Variants in EFHC2 observed in about 807,000 individuals in gnomAD.
EFHC2 encodes the protein EF-hand domain containing 2, also known as EF-hand domain-containing family member C2.
EFHC2 carries 18 observed loss-of-function variants against 52.7 expected under a neutral mutation model. That is an observed-to-expected ratio of 0.34 (90% CI 0.24 to 0.51). The LOEUF (loss-of-function observed/expected upper bound fraction) is 0.51. Ranked by LOEUF, EFHC2 falls within the 20% of genes least tolerant of loss-of-function variation. The pLI is 0.97. For missense variants in EFHC2, 513 were observed against 562.5 expected, an observed-to-expected ratio of 0.91 and a Z score of 0.89; for synonymous variants, 203 against 204.1, an observed-to-expected ratio of 0.99 and a Z score of 0.04.
intron 4 of EFHC2, among the ~76,000 whole-genome samples, chrX:44,254,034 A>G (rs572605469): frequency 8.9e-6 from 1 of 112,581 alleles, no homozygotes; most frequent in African/African-American, 3.2e-5. Flanking sequence ...AAGCCTGACT[A>G]TTAGAAGGAA....
chrX:44,274,985 T>C (rs1248212770), intron 2 of EFHC2, among the ~76,000 whole-genome samples: 4 of 111,242 alleles, frequency 3.6e-5, no homozygotes, highest in Non-Finnish European at 7.5e-5. Flanking sequence ...ACTTTCAGTG[T>C]ACGTAATATT....
intron 11 of EFHC2, among the ~76,000 whole-genome samples, chrX:44,207,015 C>T (rs1383170660): frequency 6.3e-5 from 7 of 111,044 alleles, no homozygotes; most frequent in Non-Finnish European, 1.3e-4. Flanking sequence ...AAAATAGGCA[C>T]GTACTAATAG....
chrX:44,316,667 C>T (rs1030831339), intron 1 of EFHC2, among the ~76,000 whole-genome samples: 3 of 109,467 alleles, frequency 2.7e-5, no homozygotes, highest in African/African-American at 1.0e-4. Flanking sequence ...CCACCCTGGG[C>T]AATAGAGTGA....
At chrX:44,326,161 T>C (rs2038050611) in intron 1 of EFHC2, among the ~76,000 whole-genome samples, 1 of 110,167 alleles carries the variant, frequency 9.1e-6, no homozygotes, top group Non-Finnish European at 1.9e-5. Context: ...CCCAAAGTGC[T>C]GGGATTACAG....
At chrX:44,201,204 A>G (rs2037004051) in intron 11 of EFHC2, among the ~76,000 whole-genome samples, 1 of 111,838 alleles carries the variant, frequency 8.9e-6, no homozygotes, top group East Asian at 2.8e-4. Flanking sequence ...ACTAGAAAAT[A>G]TTTATATATG....
intron 4 of EFHC2, among the ~76,000 whole-genome samples, chrX:44,260,349 G>A (rs2037528900): frequency 8.9e-6 from 1 of 111,820 alleles, no homozygotes; most frequent in Non-Finnish European, 1.9e-5. Flanking sequence ...AGACATTTGC[G>A]ATCCAGTCCC....
At chrX:44,312,004 G>T (rs764115656) in intron 2 of EFHC2, among the ~76,000 whole-genome samples, 1 of 112,289 alleles carries the variant, frequency 8.9e-6, no homozygotes, top group Non-Finnish European at 1.9e-5. Context: ...AGCCAAGAAA[G>T]ATAAACATTT....
At chrX:44,191,906 A>C (rs2036923152) in intron 11 of EFHC2, among the ~76,000 whole-genome samples, 1 of 112,017 alleles carries the variant, frequency 8.9e-6, no homozygotes, top group Non-Finnish European at 1.9e-5. Flanking sequence ...TTCAGATAAA[A>C]TATGAGGAAT....
intron 14 of EFHC2, among the ~76,000 whole-genome samples, chrX:44,156,563 T>A (rs983687229): frequency 1.8e-5 from 2 of 111,846 alleles, no homozygotes; most frequent in Non-Finnish European, 3.8e-5. Flanking sequence ...TGTACCCAAC[T>A]GCCCCCTACT....
intron 1 of EFHC2, among the ~76,000 whole-genome samples, chrX:44,319,205 G>A (rs1382903231): frequency 1.8e-5 from 2 of 109,472 alleles, no homozygotes; most frequent in Admixed American, 9.8e-5. Context: ...GTTTCACCAC[G>A]TTGGCCAGGC....
intron 1 of EFHC2, among the ~76,000 whole-genome samples, chrX:44,325,975 C>T (rs1018222875): frequency 9.3e-6 from 1 of 107,689 alleles, no homozygotes; most frequent in African/African-American, 3.4e-5. Context: ...TCACTGCGGC[C>T]TTGACTTCCT....
intron 2 of EFHC2, chrX:44,283,840 C>G (rs773912999): frequency 9.1e-6 from 1 of 109,458 alleles, no homozygotes; most frequent in Non-Finnish European, 1.9e-5. Flanking sequence ...TTTGGCATCT[C>G]TAGAACACCG....
chrX:44,164,697 T>C (rs1181992375), intron 13 of EFHC2, among the ~76,000 whole-genome samples: 2 of 111,960 alleles, frequency 1.8e-5, no homozygotes, highest in African/African-American at 6.5e-5. Flanking sequence ...TAAGAATAGA[T>C]ATCTCTGGGA....
chrX:44,322,459 C>A (rs751719084), intron 1 of EFHC2, among the ~76,000 whole-genome samples: 1 of 111,715 alleles, frequency 9.0e-6, no homozygotes, highest in African/African-American at 3.3e-5. Flanking sequence ...CCCCTTAAAT[C>A]TAATAATCAA....
intron 3 of EFHC2, among the ~76,000 whole-genome samples, chrX:44,266,538 T>A (rs1428456385): frequency 1.8e-5 from 2 of 109,874 alleles, no homozygotes; most frequent in Admixed American, 9.8e-5. Context: ...TTTTGCTATG[T>A]TGGTCAGGCT....
intron 2 of EFHC2, among the ~76,000 whole-genome samples, chrX:44,311,581 C>T (rs749864743): frequency 8.9e-6 from 1 of 112,210 alleles, no homozygotes; most frequent in African/African-American, 3.2e-5. Flanking sequence ...TATAGCTGGT[C>T]GCCTTTTCTT....
intron 11 of EFHC2, among the ~76,000 whole-genome samples, chrX:44,217,940 A>G (rs999368353): frequency 8.9e-6 from 1 of 111,747 alleles, no homozygotes; most frequent in African/African-American, 3.3e-5. Context: ...GTATCAAAAC[A>G]TTTCAGGTAT....
At chrX:44,324,544 AC>A (rs1030720116) in intron 1 of EFHC2, among the ~76,000 whole-genome samples, 1 of 111,091 alleles carries the variant, frequency 9.0e-6, no homozygotes, top group Non-Finnish European at 1.9e-5. Flanking sequence ...ACCACTGCAA[AC>A]CCACCTCCCC....
intron 9 of EFHC2, among the ~76,000 whole-genome samples, chrX:44,233,611 T>C (rs1016452281): frequency 9.0e-6 from 1 of 111,718 alleles, no homozygotes; most frequent in Non-Finnish European, 1.9e-5. Flanking sequence ...TGATAGGTGG[T>C]AAAAAGACAC....
Sources: allele counts gnomAD v4.1 joint callset (sites outside exome capture counted in the v4.1 genomes callset), GRCh38; gene constraint gnomAD v4.1.1; transcripts MANE v1.5; gene names NCBI Gene and HGNC (gene_info 2026-07-23, HGNC 2026-07-21).